Variants in NRXN3 observed in about 807,000 individuals in gnomAD.
NRXN3 encodes neurexin III.
In NRXN3, 32 loss-of-function variants were observed where a neutral mutation model predicts 137.6. That is an observed-to-expected ratio of 0.23 (90% confidence interval 0.18 to 0.31). The LOEUF (loss-of-function observed/expected upper bound fraction) is 0.31. NRXN3 is among the 10% of genes least tolerant of loss of function. The pLI is 1.00. For synonymous variants in NRXN3, 798 were observed against 784.5 expected (o/e 1.02, Z -0.29); for missense variants, 1,574 against 2,062.5 (o/e 0.76, Z 4.59).
chr14:79,327,438 G>T (rs1402470896), intron 15 of NRXN3, among the ~76,000 whole-genome samples: 1 of 152,070 alleles, frequency 6.6e-6, no homozygotes, highest in Non-Finnish European at 1.5e-5. Flanking sequence ...CATCTACATG[G>T]CCATCTGGGT....
At chr14:79,843,373 C>T (rs910920115) in intron 20 of NRXN3, among the ~76,000 whole-genome samples, 2 of 152,146 alleles carry the variant, frequency 1.3e-5, no homozygotes, top group South Asian at 2.1e-4. Context: ...CAGTATTCAG[C>T]GAATGTTTTT....
chr14:79,035,212 T>C (rs932196194), intron 15 of NRXN3, among the ~76,000 whole-genome samples: 1 of 152,142 alleles, frequency 6.6e-6, no homozygotes, highest in Non-Finnish European at 1.5e-5. Context: ...GCAGGCAAGA[T>C]AAATTTGACA....
intron 1 of NRXN3, among the ~76,000 whole-genome samples, chr14:78,171,648 C>G (rs213560): frequency 0.16 from 23,580 of 151,166 alleles, 2,060 homozygotes; most frequent in South Asian, 0.25. Context: ...AAATGTGTCC[C>G]CCCACCCCCC....
intron 16 of NRXN3, among the ~76,000 whole-genome samples, chr14:79,649,417 A>G (rs1366675147): frequency 6.6e-6 from 1 of 152,138 alleles, no homozygotes; most frequent in Non-Finnish European, 1.5e-5. Context: ...AAAAGATTTT[A>G]TTTATATTTA....
intron 15 of NRXN3, among the ~76,000 whole-genome samples, chr14:79,107,989 A>G (rs1338431507): frequency 6.6e-6 from 1 of 152,174 alleles, no homozygotes; most frequent in Non-Finnish European, 1.5e-5. Flanking sequence ...TATATAGTAA[A>G]CAAAATAATA....
chr14:79,516,241 C>T (rs1395255322), intron 16 of NRXN3, among the ~76,000 whole-genome samples: 2 of 152,126 alleles, frequency 1.3e-5, no homozygotes, highest in Non-Finnish European at 2.9e-5. Flanking sequence ...AGCAGGGTAC[C>T]AGAGTTAGAG....
At chr14:79,341,190 T>C (rs1278713563) in intron 15 of NRXN3, among the ~76,000 whole-genome samples, 1 of 152,128 alleles carries the variant, frequency 6.6e-6, no homozygotes, top group Non-Finnish European at 1.5e-5. Flanking sequence ...ATGCACACCT[T>C]GCACTATAAC....
intron 16 of NRXN3, among the ~76,000 whole-genome samples, chr14:79,520,952 A>G (rs2097058462): frequency 6.6e-6 from 1 of 152,200 alleles, no homozygotes; most frequent in Non-Finnish European, 1.5e-5. Flanking sequence ...ATTCTACTAT[A>G]AAGACACATG....
rs578134524 is a variant in NRXN3 at position 79,265,325 on chromosome 14, T to C, written c.3263-201896T>C. On this transcript the variant is annotated intron_variant, in intron 15 of 20. Transcript: ENST00000335750. ...TGAGAAGAAAAGGCCAAGAGTTTCT[T>C]GTCATTTTTATTTATGTATTTATTA... Among the ~76,000 whole-genome samples the C allele has an allele frequency of 2.6e-5, 4 of 151,386 alleles. No homozygotes were observed. In the South Asian group the frequency reaches 8.5e-4, roughly 32 times the overall value.
intron 6 of NRXN3, among the ~76,000 whole-genome samples, chr14:78,675,234 T>C (rs558135523): frequency 1.5e-3 from 221 of 152,312 alleles, no homozygotes; most frequent in Non-Finnish European, 2.2e-3. Context: ...CTTCTAGGCA[T>C]TGGAGACAGA....
At chr14:79,130,431 C>A (rs919663573) in intron 15 of NRXN3, among the ~76,000 whole-genome samples, 2 of 151,890 alleles carry the variant, frequency 1.3e-5, no homozygotes, top group Admixed American at 6.6e-5. Context: ...TTCTCCTTCA[C>A]TTATGAAGCT....
At chr14:78,336,687 G>C (rs214003) in intron 4 of NRXN3, among the ~76,000 whole-genome samples, 122,330 of 152,040 alleles carry the variant, frequency 0.8, 51,024 homozygotes, top group South Asian at 0.93. Flanking sequence ...TGAGATGATT[G>C]TTAGTAACAG....
chr14:79,612,762 G>A (rs221515), intron 16 of NRXN3, among the ~76,000 whole-genome samples: 1,796 of 152,192 alleles, frequency 0.012, 41 homozygotes, highest in African/African-American at 0.04. Flanking sequence ...GAGGTGGATC[G>A]CTTGAGCCAG....
chr14:79,795,239 A>T (rs542973798), intron 19 of NRXN3, among the ~76,000 whole-genome samples: 91 of 152,322 alleles, frequency 6.0e-4, no homozygotes, highest in African/African-American at 2.1e-3. Context: ...AATTATTTTG[A>T]ATCAATATCT....
rs1337521763 is a variant in NRXN3 at position 79,673,458 on chromosome 14, T to C, written c.3616+9509T>C. On this transcript the variant is annotated intron_variant, in intron 17 of 20. Transcript: ENST00000335750. The stretch of plus-strand genomic sequence containing the variant: ...AAATGCTGAAGTGTATATCAAACAA[T>C]AGAAGTCGATTGATCATGGGCTAGC... 3.9e-5 allele frequency among the ~76,000 whole-genome samples: 6 copies of C among 152,232 alleles called. No individual in the cohort carries two copies. In the South Asian group the frequency reaches 1.2e-3, roughly 32 times the overall value.
At chr14:78,695,958 C>T (rs1594834499) in intron 6 of NRXN3, among the ~76,000 whole-genome samples, 1 of 152,080 alleles carries the variant, frequency 6.6e-6, no homozygotes, top group East Asian at 1.9e-4. Flanking sequence ...CATGTCTTTT[C>T]CACCTCTTTC....
chr14:78,590,046 G>A (rs1253857680), intron 4 of NRXN3, among the ~76,000 whole-genome samples: 2 of 152,208 alleles, frequency 1.3e-5, no homozygotes, highest in Non-Finnish European at 2.9e-5. Context: ...AAGGAAGGGG[G>A]ATCGAAACCA....
chr14:79,455,731 G>A (rs756981883), intron 15 of NRXN3, among the ~76,000 whole-genome samples: 1 of 151,640 alleles, frequency 6.6e-6, no homozygotes, highest in Non-Finnish European at 1.5e-5. Context: ...AATTTCTAAT[G>A]TTCTATTTTT....
At chr14:78,850,375 G>A (rs17757717) in intron 10 of NRXN3, among the ~76,000 whole-genome samples, 2,624 of 152,136 alleles carry the variant, frequency 0.017, 40 homozygotes, top group South Asian at 0.062. Context: ...ACTGCATGAC[G>A]GAGTCCATAG....
Sources: allele counts gnomAD v4.1 joint callset (sites outside exome capture counted in the v4.1 genomes callset), GRCh38; gene constraint gnomAD v4.1.1; transcripts MANE v1.5; gene names NCBI Gene and HGNC (gene_info 2026-07-23, HGNC 2026-07-21).